The following WDR87 variants were observed in gnomAD, a reference collection of about 807,000 sequenced individuals.
WDR87 encodes WD repeat-containing protein 87.
Under a neutral mutation model 83.3 loss-of-function variants are expected in WDR87, and 56 were observed. The ratio of observed to expected loss-of-function variants is 0.67; its 90% CI spans 0.54 to 0.84. WDR87 has a LOEUF of 0.84. Ranked by LOEUF, WDR87 falls within the 40% of genes least tolerant of loss-of-function variation. The pLI is 0.00. For missense variants in WDR87, 2,939 were observed against 3,431.9 expected, an observed-to-expected ratio of 0.86 and a Z score of 3.59; for synonymous variants, 1,173 against 1,250.6, an observed-to-expected ratio of 0.94 and a Z score of 1.31.
chr19:37,887,646 G>C lies in WDR87; in HGVS notation c.6025C>G (p.Leu2009Val). Residue 2009 changes from leucine to valine, a missense_variant, in exon 6 of 6, where the codon CTG becomes GTG. Around this residue, in one of 3 missense-constraint regions of WDR87, gnomAD observed 2,160 missense variants for 2,533.1 expected, o/e 0.85. Transcript: ENST00000447313. The part of the protein sequence containing the change: ...EKALNLEMKR[L>V]AEEKMRLVEG... ...ACCAGTCTCATCTTCTCCTCAGCCA[G>C]TCTTTTCATTTCCAGGTTCAATGCC... 3.2e-6 allele frequency: 5 copies of C among 1,552,126 alleles called. No individual in the cohort carries two copies. Among genetic ancestry groups the C allele is most frequent in the Non-Finnish European group, 4.4e-6 (5 of 1,147,084 alleles).
Position 37,886,516 on chromosome 19 carries a change from T to C in WDR87, c.7155A>G (p.Lys2385=), listed in dbSNP as rs2046146472. The change falls in exon 6 of 6, where the codon AAA becomes AAG. Residue 2385 remains lysine (K), a synonymous_variant. Transcript: ENST00000447313. ...EVDREKEILK[K]EKQFKLQEQR... ...GTTCTTGTAACTTAAATTGTTTTTC[T>C]TTTTTTAAGATCTCTTTTTCCCTGT... 1 of 1,503,694 alleles carries C rather than the reference T, an allele frequency of 6.7e-7. No individual in the cohort carries two copies. Among genetic ancestry groups the C allele is most frequent in the Admixed American group, 2.6e-5 (1 of 37,888 alleles). 93.1% of individuals were successfully genotyped at this position (1,503,694 alleles called of 1,614,324 possible).
At position 37,889,301 on chromosome 19, in the gene WDR87, C is replaced by T. The variant is rs2046181872; in HGVS notation, c.4370G>A (p.Arg1457Lys). The T allele has an allele frequency of 1.9e-6, 3 of 1,551,856 alleles. No homozygotes were observed. Among genetic ancestry groups the T allele is most frequent in the Non-Finnish European group, 1.7e-6 (2 of 1,147,022 alleles). ...QKERKVGKIKREMTKEERDMS... is the reference protein window; with the variant it reads ...QKERKVGKIKKEMTKEERDMS... ...ATCCCTCTCTTCTTTGGTCATTTCC[C>T]TCTTTATTTTTCCTACTTTTCTTTC... Residue 1457 changes from arginine to lysine, a missense_variant, in exon 6 of 6, where the codon AGG (arginine) becomes AAG (lysine). By Grantham distance (26) the Arg-to-Lys change is conservative. This residue lies in a region of WDR87 where 2,160 missense variants were observed against 2,533.1 expected (regional missense o/e 0.85). Coordinates refer to ENST00000447313, the MANE Select transcript of WDR87 (RefSeq NM_001291088.2).
chr19:37,892,587 C>T lies in WDR87; in HGVS notation c.3116G>A (p.Arg1039Gln), dbSNP rs1003513453. 1.1e-5 allele frequency: 16 copies of T among 1,489,078 alleles called. No homozygotes were observed. In the Admixed American group the frequency reaches 1.2e-4, roughly 11 times the overall value. 92.2% of individuals were successfully genotyped at this position (1,489,078 alleles called of 1,614,324 possible). Residue 1039 changes from arginine (R) to glutamine (Q), a missense_variant, in exon 4 of 6, where the codon CGG (arginine) becomes CAG (glutamine). By Grantham distance (43) the Arg-to-Gln change is conservative (BLOSUM62 1). Around this residue, in one of 3 missense-constraint regions of WDR87, gnomAD observed 2,160 missense variants for 2,533.1 expected, o/e 0.85. Transcript: ENST00000447313. ...LQLTQKQETF[R>Q]EMQQQMIGEE... ...GGAAGCACAAACTTACTGCATCTCC[C>T]GAAAAGTCTCTTGTTTTTGGGTCAG...
At chr19:37,895,933 C>G (rs564943488) in intron 3 of WDR87, 15 of 655,566 alleles carry the variant, frequency 2.3e-5, no homozygotes, top group Non-Finnish European at 3.2e-5. Context: ...ATCCTAGGAC[C>G]CTTTTCCTAA....
At chr19:37,900,344 G>A (rs1016489565) in intron 1 of WDR87, among the ~76,000 whole-genome samples, 4 of 151,822 alleles carry the variant, frequency 2.6e-5, no homozygotes, top group African/African-American at 7.3e-5. Context: ...GGTGGATCAC[G>A]AGGTCAGGAG....
At position 37,887,218 on chromosome 19, in the gene WDR87, A is replaced by T. The variant is rs1261656526; in HGVS notation, c.6453T>A (p.Ser2151Arg). ...TGATATCCAGCTTACTCTGTTCTAT[A>T]CTCAACCTGCGCTCCTTAACAAAGA... The part of the protein sequence containing the change: ...RALFVKERRL[S>R]IEQSKLDIKE... The change falls in exon 6 of 6, where the codon AGT (serine) becomes AGA (arginine). Residue 2151 changes from serine (S) to arginine (R), a missense_variant. Coordinates refer to ENST00000447313, the MANE Select transcript of WDR87 (RefSeq NM_001291088.2). The T allele has an allele frequency of 6.4e-7, 1 of 1,551,682 alleles. No individual in the cohort carries two copies. The highest frequency in any genetic ancestry group is 8.7e-7 in the Non-Finnish European group (1 of 1,147,030).
rs2046186575 is a variant in WDR87 at position 37,889,693 on chromosome 19, A to G, written c.3978T>C (p.Phe1326=). The change falls in exon 6 of 6, where the codon TTT becomes TTC. Residue 1326 remains phenylalanine (F), a synonymous_variant. Coordinates refer to ENST00000447313, the MANE Select transcript of WDR87 (RefSeq NM_001291088.2). The stretch of plus-strand genomic sequence containing the variant: ...TCTTCAATAGGGGGCAGATCTCCTG[A>G]AAGAGTTCCCAGCTGGGGTGCCTAT... The part of the protein sequence containing the change: ...LVDRHPSWEL[F]QEICPLLKKE... The G allele has an allele frequency of 1.3e-6, 2 of 1,551,620 alleles. No homozygotes were observed. Among genetic ancestry groups the G allele is most frequent in the Admixed American group, 2.0e-5 (1 of 50,982 alleles).
In WDR87 at chr19:37,889,536, T is replaced by G. The variant is rs1362205982; in HGVS notation, c.4135A>C (p.Lys1379Gln). The change falls in exon 6 of 6, where the codon AAG (lysine) becomes CAG (glutamine). Residue 1379 changes from lysine (K) to glutamine (Q), a missense_variant. Physicochemically the swap from Lys to Gln is moderately conservative, Grantham distance 53. This residue lies in a region of WDR87 where 2,160 missense variants were observed against 2,533.1 expected (regional missense o/e 0.85). Transcript: ENST00000447313. Reference protein sequence around the residue: ...QGVTQEVIRHKEVMPREEEQA... With the variant: ...QGVTQEVIRHQEVMPREEEQA... ...TCTTCTTCCCTTGGCATCACTTCCT[T>G]GTGTCTGATCACCTCTTGGGTCACA... 1 of 1,551,694 alleles carries G rather than the reference T, an allele frequency of 6.4e-7. No individual in the cohort carries two copies. Among genetic ancestry groups the G allele is most frequent in the Admixed American group, 2.0e-5 (1 of 50,986 alleles).
chr19:37,894,861 G>GCCTGGAAACTGTGGAGTGGATGGC lies in WDR87; in HGVS notation c.818_841dup (p.Gly273_Gln280dup). On this transcript the variant is annotated inframe_insertion, in exon 4 of 6. Coordinates refer to ENST00000447313, the MANE Select transcript of WDR87 (RefSeq NM_001291088.2). ...GATACAGATCACTCCTGATTGATGGGCCTGGAAACTGTGGAGTGGATGGCC... is the reference window on the plus strand; with the variant it reads ...GATACAGATCACTCCTGATTGATGGGCCTGGAAACTGTGGAGTGGATGGCCCTGGAAACTGTGGAGTGGATGGCC... The GCCTGGAAACTGTGGAGTGGATGGC allele has an allele frequency of 2.6e-6, 4 of 1,551,712 alleles. No individual in the cohort carries two copies. Among genetic ancestry groups the GCCTGGAAACTGTGGAGTGGATGGC allele is most frequent in the Non-Finnish European group, 3.5e-6 (4 of 1,146,976 alleles).
intron 1 of WDR87, among the ~76,000 whole-genome samples, chr19:37,898,700 G>A (rs2046274342): frequency 6.6e-6 from 1 of 152,196 alleles, no homozygotes. Flanking sequence ...CATGAACCAG[G>A]ACAGACACTT....
intron 1 of WDR87, among the ~76,000 whole-genome samples, chr19:37,902,121 C>T (rs2046297394): frequency 6.6e-6 from 1 of 152,126 alleles, no homozygotes; most frequent in South Asian, 2.1e-4. Flanking sequence ...ACATTTGACT[C>T]CCTAATCCCA....
intron 3 of WDR87, among the ~76,000 whole-genome samples, chr19:37,895,766 CAAAAAAAAAA>C (rs36107860): frequency 1.2e-5 from 1 of 84,286 alleles, no homozygotes; most frequent in Admixed American, 1.3e-4. Context: ...GACTCTGTCT[CAAAAAAAAAA>C]AAAAAAAAAA....
rs1390795967 is a variant in WDR87 at position 37,887,231 on chromosome 19, T to C, written c.6440A>G (p.Glu2147Gly). The C allele has an allele frequency of 5.2e-6, 8 of 1,551,732 alleles. No homozygotes were observed. The highest frequency in any genetic ancestry group is 1.4e-5 in the African/African-American group (1 of 73,044). ...TKMKRALFVK[E>G]RRLSIEQSKL... ...ACTCTGTTCTATACTCAACCTGCGC[T>C]CCTTAACAAAGAGTGCCCTCTTCAT... The change falls in exon 6 of 6, where the codon GAG becomes GGG. Residue 2147 changes from glutamate (E) to glycine (G), a missense_variant. Glu to Gly is a moderately conservative substitution (Grantham distance 98, BLOSUM62 -2). Transcript: ENST00000447313.
chr19:37,887,338 T>G lies in WDR87; in HGVS notation c.6333A>C (p.Lys2111Asn). The G allele has an allele frequency of 6.4e-7, 1 of 1,551,692 alleles. No homozygotes were observed. Among genetic ancestry groups the G allele is most frequent in the Non-Finnish European group, 8.7e-7 (1 of 1,146,978 alleles). The change falls in exon 6 of 6, where the codon AAA becomes AAC. Residue 2111 changes from lysine to asparagine, a missense_variant. By Grantham distance (94) the Lys-to-Asn change is moderately conservative. Around this residue, in one of 3 missense-constraint regions of WDR87, gnomAD observed 2,160 missense variants for 2,533.1 expected, o/e 0.85. Transcript: ENST00000447313. ...KRESLSKEPA[K>N]LNKILKALQK... ...GAAGTGCCTTTAAGATTTTGTTCAG[T>G]TTTGCTGGTTCCTTGGAAAGGCTCT...
chr19:37,904,690 A>G (rs910894879), intron 1 of WDR87, among the ~76,000 whole-genome samples: 5 of 152,186 alleles, frequency 3.3e-5, no homozygotes, highest in African/African-American at 1.2e-4. Context: ...AGTATACTAT[A>G]TACACTGTTA....
chr19:37,903,900 T>G (rs1452240676), intron 1 of WDR87, among the ~76,000 whole-genome samples: 5 of 151,958 alleles, frequency 3.3e-5, no homozygotes, highest in African/African-American at 7.3e-5. Context: ...TAAACAACCT[T>G]TTTTGTTTTT....
chr19:37,891,915 G>T, intron 4 of WDR87, 95 bp from the exon 5 acceptor site: 1 of 1,430,748 alleles, frequency 7.0e-7, no homozygotes, highest in Non-Finnish European at 9.3e-7. Context: ...CAGGAGGCTT[G>T]GCAAAGTGGC....
Position 37,889,148 on chromosome 19 carries a change from T to G in WDR87, c.4523A>C (p.Gln1508Pro). The G allele has an allele frequency of 1.3e-6, 2 of 1,552,374 alleles. No individual in the cohort carries two copies. Among genetic ancestry groups the G allele is most frequent in the Non-Finnish European group, 1.7e-6 (2 of 1,147,148 alleles). Residue 1508 changes from glutamine (Q) to proline (P), a missense_variant, in exon 6 of 6, where the codon CAG becomes CCG. Around this residue, in one of 3 missense-constraint regions of WDR87, gnomAD observed 2,160 missense variants for 2,533.1 expected, o/e 0.85. Coordinates refer to ENST00000447313, the MANE Select transcript of WDR87 (RefSeq NM_001291088.2). Reference sequence around the variant, plus strand: ...GGATTTCCTTGTCTCACCATGGACCTGTTTCCACTCATCCCAGGCCTTTTT... The same window carrying G: ...GGATTTCCTTGTCTCACCATGGACCGGTTTCCACTCATCCCAGGCCTTTTT... Reference protein sequence around the residue: ...DWKKAWDEWKQVHGETRKSWK... With the variant: ...DWKKAWDEWKPVHGETRKSWK...
In WDR87 at chr19:37,889,144, G is replaced by T. The variant is rs1186708563; in HGVS notation, c.4527C>A (p.Val1509=). ...WKKAWDEWKQ[V]HGETRKSWKA... ...TCCAGGATTTCCTTGTCTCACCATG[G>T]ACCTGTTTCCACTCATCCCAGGCCT... The change falls in exon 6 of 6, where the codon GTC becomes GTA. Residue 1509 remains valine (V), a synonymous_variant. Transcript: ENST00000447313. 1 of 1,552,112 alleles carries T rather than the reference G, an allele frequency of 6.4e-7. No homozygotes were observed. The highest frequency in any genetic ancestry group is 1.2e-5 in the South Asian group (1 of 84,052).
Sources: allele counts gnomAD v4.1 joint callset (sites outside exome capture counted in the v4.1 genomes callset), GRCh38; gene constraint gnomAD v4.1.1; regional missense constraint gnomAD v4.1.1; transcripts MANE v1.5; gene names NCBI Gene and HGNC (gene_info 2026-07-23, HGNC 2026-07-21).